The following ATP10B variants were observed in gnomAD, a reference collection of about 807,000 sequenced individuals.
The protein encoded by ATP10B is phospholipid-transporting ATPase VB.
A neutral mutation model predicts 141.2 loss-of-function variants in ATP10B; 122 were observed. The ratio of observed to expected loss-of-function variants is 0.86; its 90% CI spans 0.75 to 1.00. The LOEUF is 1.00. Among genes scored for constraint, ATP10B ranks in the 50% least tolerant of loss-of-function variants. ATP10B has a pLI of 0.00. For synonymous variants in ATP10B, 685 were observed against 692.0 expected, an observed-to-expected ratio of 0.99 and a Z score of 0.16; for missense variants, 1,876 against 1,825.3, an observed-to-expected ratio of 1.03 and a Z score of -0.51.
At position 160,620,915 on chromosome 5, in the gene ATP10B, C is replaced by T. The variant is rs373661469; in HGVS notation, c.1848G>A (p.Thr616=). 150 of 1,613,964 alleles carry T rather than the reference C, an allele frequency of 9.3e-5. No homozygotes were observed. Among genetic ancestry groups the T allele is most frequent in the South Asian group, 2.2e-4 (20 of 91,072 alleles). Residue 616 remains threonine (T), a synonymous_variant, in exon 15 of 26, where the codon ACG becomes ACA. Transcript: ENST00000327245. ...AGAGCTGCTGAATCTTCTCCAGGGA[C>T]GTCCCCAGAGCCTTGCTTGAGGGTT... ...TIKPSSKALG[T]SLEKIQQLFQ...
At chr5:160,577,161 TATC>T (rs1031023390) in intron 24 of ATP10B, among the ~76,000 whole-genome samples, 1 of 152,098 alleles carries the variant, frequency 6.6e-6, no homozygotes, top group Non-Finnish European at 1.5e-5. Flanking sequence ...AAAGAAGAAA[TATC>T]ATCTTTTATA....
intron 18 of ATP10B, among the ~76,000 whole-genome samples, chr5:160,611,337 T>C (rs1047734264): frequency 3.9e-5 from 6 of 152,200 alleles, no homozygotes; most frequent in Non-Finnish European, 8.8e-5. Context: ...GCTGCCTCAC[T>C]GGTTTGCAGA....
chr5:160,807,335 T>C (rs981523927), intron 1 of ATP10B, among the ~76,000 whole-genome samples: 5 of 152,154 alleles, frequency 3.3e-5, no homozygotes, highest in African/African-American at 1.2e-4. Flanking sequence ...GGCTTTTAAG[T>C]ATTGTGCCAT....
Position 160,701,663 on chromosome 5 carries a change from A to G in ATP10B, c.-204-12720T>C, listed in dbSNP as rs569928883. Among the ~76,000 whole-genome samples, 12 of 152,148 alleles carry G rather than the reference A, an allele frequency of 7.9e-5. No homozygotes were observed. The South Asian group carries it at 2.1e-3, about 26-fold the overall frequency. On this transcript the variant is annotated intron_variant, in intron 3 of 25. Coordinates refer to ENST00000327245, the MANE Select transcript of ATP10B (RefSeq NM_025153.3). ...TCCTACCCTAATGTCTCCTGGGAGC[A>G]GTTACTCATCTATCCCAGTGCCTCC...
At chr5:160,847,866 C>A (rs534342344) in intron 1 of ATP10B, among the ~76,000 whole-genome samples, 1 of 152,082 alleles carries the variant, frequency 6.6e-6, no homozygotes, top group African/African-American at 2.4e-5. Context: ...TTTCTAGTGT[C>A]GGTATTGCTT....
At chr5:160,815,922 T>A (rs1248661347) in intron 1 of ATP10B, among the ~76,000 whole-genome samples, 1 of 152,002 alleles carries the variant, frequency 6.6e-6, no homozygotes, top group Non-Finnish European at 1.5e-5. Context: ...ACTGGGTACA[T>A]AACGAAATGA....
At chr5:160,730,462 G>A (rs1478147555) in intron 2 of ATP10B, among the ~76,000 whole-genome samples, 1 of 151,644 alleles carries the variant, frequency 6.6e-6, no homozygotes, top group African/African-American at 2.4e-5. Flanking sequence ...GCTTCCCCCC[G>A]ACCCCACCTG....
At chr5:160,896,804 G>A in the ATP10B span, among the ~76,000 whole-genome samples, 1 of 152,200 alleles carries the variant, frequency 6.6e-6, no homozygotes, top group Non-Finnish European at 1.5e-5. Flanking sequence ...TAAAATACTG[G>A]GAAACTGAAT....
intron 24 of ATP10B, among the ~76,000 whole-genome samples, chr5:160,583,832 G>A (rs1755708673): frequency 6.6e-6 from 1 of 152,172 alleles, no homozygotes; most frequent in Non-Finnish European, 1.5e-5. Context: ...ACACTGTGAG[G>A]GGAATACCAC....
At chr5:160,807,712 T>C (rs1772877215) in intron 1 of ATP10B, among the ~76,000 whole-genome samples, 1 of 152,204 alleles carries the variant, frequency 6.6e-6, no homozygotes, top group Non-Finnish European at 1.5e-5. Context: ...AACAGAACTA[T>C]TTGATCATAC....
At chr5:160,820,033 G>A (rs34952125) in intron 1 of ATP10B, among the ~76,000 whole-genome samples, 1 of 151,522 alleles carries the variant, frequency 6.6e-6, no homozygotes, top group Non-Finnish European at 1.5e-5. Flanking sequence ...AAGGATCAGA[G>A]CAGAAATAAA....
At chr5:160,873,086 T>C in the ATP10B span, among the ~76,000 whole-genome samples, 53 of 151,322 alleles carry the variant, frequency 3.5e-4, no homozygotes, top group Middle Eastern at 3.4e-3. Flanking sequence ...AGCGGTCTTT[T>C]GTCTCTTTGG....
intron 2 of ATP10B, among the ~76,000 whole-genome samples, chr5:160,779,979 A>G (rs1770607702): frequency 6.6e-6 from 1 of 152,232 alleles, no homozygotes; most frequent in Non-Finnish European, 1.5e-5. Context: ...ACTAAAGTTC[A>G]GGAAGCTATC....
chr5:160,684,665 T>C (rs1173839183), intron 6 of ATP10B, among the ~76,000 whole-genome samples: 1 of 152,174 alleles, frequency 6.6e-6, no homozygotes, highest in Non-Finnish European at 1.5e-5. Context: ...CAATCCTCCT[T>C]TTTTCTGGAT....
rs1161424658 is a variant in ATP10B at position 160,615,915 on chromosome 5, G to C, written c.2576C>G (p.Ala859Gly). 1 of 1,613,770 alleles carries C rather than the reference G, an allele frequency of 6.2e-7. No individual in the cohort carries two copies. The highest frequency in any genetic ancestry group is 1.3e-5 in the African/African-American group (1 of 74,900). The change falls in exon 17 of 26, where the codon GCT (alanine) becomes GGT (glycine). Residue 859 changes from alanine (A) to glycine (G), a missense_variant. Transcript: ENST00000327245. ...ATCTCGGTTGTCGAGGGATGCCTCA[G>C]CCTCACGCCGGAAACTGGCCCATCT... is the stretch of plus-strand genomic sequence containing the variant. Reference protein sequence around the residue: ...FRRWASFRREAEASLDNRDEL... With the variant: ...FRRWASFRREGEASLDNRDEL...
intron 1 of ATP10B, among the ~76,000 whole-genome samples, chr5:160,844,641 G>A (rs2127989354): frequency 6.6e-6 from 1 of 152,100 alleles, no homozygotes; most frequent in Admixed American, 6.5e-5. Context: ...CACCTCCCGG[G>A]TTCAAGTGAT....
intron 1 of ATP10B, among the ~76,000 whole-genome samples, chr5:160,797,341 A>G (rs1772019670): frequency 2.0e-5 from 3 of 152,268 alleles, no homozygotes; most frequent in Middle Eastern, 3.4e-3. Flanking sequence ...TTGCTCTGAA[A>G]GCAGCTTTGC....
intron 2 of ATP10B, among the ~76,000 whole-genome samples, chr5:160,731,315 C>A (rs963432489): frequency 3.9e-5 from 6 of 152,168 alleles, no homozygotes; most frequent in African/African-American, 1.4e-4. Context: ...TAATGATCAG[C>A]CATGCTGTAC....
At chr5:160,807,837 T>C (rs1339355022) in intron 1 of ATP10B, among the ~76,000 whole-genome samples, 3 of 152,182 alleles carry the variant, frequency 2.0e-5, no homozygotes, top group Admixed American at 6.5e-5. Context: ...GCTTCTAAGT[T>C]TCTAGAACTG....
Sources: allele counts gnomAD v4.1 joint callset (sites outside exome capture counted in the v4.1 genomes callset), GRCh38; gene constraint gnomAD v4.1.1; transcripts MANE v1.5; gene names NCBI Gene and HGNC (gene_info 2026-07-23, HGNC 2026-07-21).